The following EPB41 variants were observed in gnomAD, a reference collection of about 807,000 sequenced individuals.
EPB41 encodes the protein erythrocyte membrane protein band 4.1.
EPB41 carries 65 observed loss-of-function variants against 108.0 expected under a neutral mutation model. The observed-to-expected ratio is 0.60, with a 90% CI of 0.49 to 0.74. EPB41 has a LOEUF of 0.74. Ranked by LOEUF, EPB41 falls within the 30% of genes least tolerant of loss-of-function variation. The probability of loss-of-function intolerance (pLI) is 0.00; values close to 1 mark genes in which losing one functional copy is unlikely to be tolerated. For missense variants in EPB41, 875 were observed against 1,037.0 expected (o/e 0.84, Z 2.15); for synonymous variants, 336 against 358.9 (o/e 0.94, Z 0.72).
chr1:28,987,311 T>G (rs1478613668), intron 1 of EPB41, 120 bp from the exon 2 acceptor site: 1 of 814,336 alleles, frequency 1.2e-6, no homozygotes, highest in East Asian at 2.6e-5. Flanking sequence ...TTAATGGGTT[T>G]GAATTCTGTT....
chr1:28,974,873 C>A (rs2095567466), intron 1 of EPB41, among the ~76,000 whole-genome samples: 1 of 151,772 alleles, frequency 6.6e-6, no homozygotes, highest in South Asian at 2.1e-4. Flanking sequence ...TGGCTCACTG[C>A]AACCTCCGCC....
rs543905308 is a variant in EPB41 at position 29,109,758 on chromosome 1, G to A, written c.2415+321G>A. 7.7e-6 allele frequency: 3 copies of A among 388,964 alleles called. No homozygotes were observed. The East Asian group carries it at 1.8e-4, about 23-fold the overall frequency. The allele number at this position is 388,964 out of a possible 1,614,324, so 24.1% of individuals were successfully genotyped here. On this transcript the variant is annotated intron_variant, in intron 18 of 20. Coordinates refer to ENST00000343067, the MANE Select transcript of EPB41 (RefSeq NM_001376013.1). Reference sequence around the variant, plus strand: ...AAGTTTAAAAAGTCAGCATGGCCAGGCATGGTGGCCCACACCTGTAATCCC... The same window carrying A: ...AAGTTTAAAAAGTCAGCATGGCCAGACATGGTGGCCCACACCTGTAATCCC...
At chr1:28,951,836 C>A (rs948722832) in intron 1 of EPB41, among the ~76,000 whole-genome samples, 16 of 151,946 alleles carry the variant, frequency 1.1e-4, no homozygotes, top group African/African-American at 3.9e-4. Flanking sequence ...CCTGATTGTG[C>A]CATCGTACTG....
In EPB41 at chr1:29,065,104, T is replaced by G. The variant is rs1216590542; in HGVS notation, c.2130T>G (p.Thr710=). ...GTGAATGGGATAAACGCTTATCCAC[T>G]CACTCACCCTTCCGAACTCTTAACA... is the stretch of plus-strand genomic sequence containing the variant. The part of the protein sequence containing the change: ...RPSEWDKRLS[T]HSPFRTLNIN... The change falls in exon 16 of 21, where the codon ACT becomes ACG. Residue 710 remains threonine, a synonymous_variant. Coordinates refer to ENST00000343067, the MANE Select transcript of EPB41 (RefSeq NM_001376013.1). 6.2e-7 allele frequency: 1 copy of G among 1,613,742 alleles called. No homozygotes were observed. Among genetic ancestry groups the G allele is most frequent in the Non-Finnish European group, 8.5e-7 (1 of 1,179,794 alleles).
chr1:29,081,896 G>C (rs1020214879), intron 16 of EPB41, among the ~76,000 whole-genome samples: 1 of 149,864 alleles, frequency 6.7e-6, no homozygotes, highest in Non-Finnish European at 1.5e-5. Context: ...CTAGCTCAAA[G>C]TATGTACCTT....
intron 7 of EPB41, among the ~76,000 whole-genome samples, chr1:29,027,044 A>G (rs1409306586): frequency 6.6e-6 from 1 of 151,518 alleles, no homozygotes; most frequent in African/African-American, 2.4e-5. Flanking sequence ...GTTAGCCGAG[A>G]TCATACCACT....
intron 1 of EPB41, among the ~76,000 whole-genome samples, chr1:28,899,621 C>G (rs952888541): frequency 2.0e-5 from 3 of 152,128 alleles, no homozygotes; most frequent in Admixed American, 6.6e-5. Flanking sequence ...GCTAGGATGA[C>G]TTGAAGACTT....
chr1:28,895,012 G>A (rs1047804227), intron 1 of EPB41, among the ~76,000 whole-genome samples: 1 of 152,140 alleles, frequency 6.6e-6, no homozygotes, highest in Admixed American at 6.5e-5. Flanking sequence ...CTGAGTGGAG[G>A]TTCCAGCTCT....
chr1:29,035,684 A>T, intron 9 of EPB41, 142 bp from the exon 10 acceptor site: 1 of 660,836 alleles, frequency 1.5e-6, no homozygotes, highest in Non-Finnish European at 2.5e-6. Context: ...GTAGGAAAAA[A>T]TTCCAAATGA....
At chr1:29,047,717 G>T (rs1410489587) in intron 11 of EPB41, among the ~76,000 whole-genome samples, 2 of 151,968 alleles carry the variant, frequency 1.3e-5, no homozygotes, top group Non-Finnish European at 2.9e-5. Context: ...CTTGGTAGAG[G>T]TATATTGATT....
chr1:28,892,887 T>G (rs2090283516), intron 1 of EPB41, among the ~76,000 whole-genome samples: 1 of 137,982 alleles, frequency 7.2e-6, no homozygotes, highest in Non-Finnish European at 1.5e-5. Context: ...CACTGCAACC[T>G]CTGCCTCCCA....
At chr1:29,112,529 T>C in intron 19 of EPB41, 81 bp downstream of exon 19, 1 of 1,190,806 alleles carries the variant, frequency 8.4e-7, no homozygotes, top group Non-Finnish European at 1.3e-6. Context: ...GTTTGCCATC[T>C]TCATCTGCAA....
intron 1 of EPB41, among the ~76,000 whole-genome samples, chr1:28,896,223 C>T (rs144572951): frequency 8.5e-5 from 13 of 152,280 alleles, no homozygotes; most frequent in African/African-American, 2.9e-4. Flanking sequence ...CAAATAGTAG[C>T]AATGGTTATT....
intron 15 of EPB41, among the ~76,000 whole-genome samples, chr1:29,061,578 T>TG (rs1553274295): frequency 7.5e-6 from 1 of 133,780 alleles, no homozygotes; most frequent in Non-Finnish European, 1.6e-5. Flanking sequence ...CTTTGTTTTT[T>TG]TTTTTTTTTT....
intron 17 of EPB41, among the ~76,000 whole-genome samples, chr1:29,099,716 G>A (rs1297371037): frequency 6.6e-6 from 1 of 152,126 alleles, no homozygotes. Context: ...GAAGCCAAAA[G>A]TAAGAAAAAC....
chr1:28,964,655 A>G (rs2095316640), intron 1 of EPB41, among the ~76,000 whole-genome samples: 3 of 152,252 alleles, frequency 2.0e-5, no homozygotes, highest in African/African-American at 4.8e-5. Context: ...AAATTTTCTA[A>G]TGGCTTCCTG....
chr1:29,068,611 CTTACTT>C, intron 16 of EPB41: 1 of 534,776 alleles, frequency 1.9e-6, no homozygotes, highest in Non-Finnish European at 2.8e-6. Flanking sequence ...TCTGGCATAT[CTTACTT>C]TTTCTTTAAC....
intron 16 of EPB41, among the ~76,000 whole-genome samples, chr1:29,075,062 C>G (rs952337430): frequency 6.1e-5 from 9 of 146,814 alleles, no homozygotes; most frequent in Admixed American, 2.1e-4. Flanking sequence ...GAGGCTGAGG[C>G]AGGAGAATGA....
intron 1 of EPB41, among the ~76,000 whole-genome samples, chr1:28,888,658 C>T (rs2147788480): frequency 6.6e-6 from 1 of 152,326 alleles, no homozygotes; most frequent in South Asian, 2.1e-4. Flanking sequence ...GACGGAGTCT[C>T]GCTCTGTCGC....
Sources: gnomAD v4.1 joint callset for allele counts (sites outside exome capture counted in the v4.1 genomes callset) on GRCh38, gnomAD v4.1.1 for gene constraint, MANE v1.5 for transcripts, NCBI Gene and HGNC (gene_info 2026-07-23, HGNC 2026-07-21) for gene names.